Variants in CRACDL observed in about 807,000 individuals in gnomAD.
CRACDL encodes the protein CRACD like.
Under a neutral mutation model 70.6 loss-of-function variants are expected in CRACDL, and 26 were observed. That is an observed-to-expected ratio of 0.37 (90% CI 0.27 to 0.51). The LOEUF is 0.51. Ranked by LOEUF, CRACDL falls within the 20% of genes least tolerant of loss-of-function variation. The probability of loss-of-function intolerance (pLI) is 0.94; values close to 1 mark genes in which losing one functional copy is unlikely to be tolerated. For missense variants in CRACDL, 1,283 were observed against 1,376.9 expected (o/e 0.93, Z 1.08); for synonymous variants, 618 against 615.2 (o/e 1.00, Z -0.07).
intron 1 of CRACDL, among the ~76,000 whole-genome samples, chr2:98,884,307 C>T (rs1222892440): frequency 1.2e-4 from 19 of 152,228 alleles, no homozygotes. Context: ...GGGCTCAACA[C>T]AGAAGGACAG....
At chr2:98,858,972 A>G (rs1706825036) in intron 1 of CRACDL, among the ~76,000 whole-genome samples, 1 of 152,248 alleles carries the variant, frequency 6.6e-6, no homozygotes, top group African/African-American at 2.4e-5. Flanking sequence ...GACTTATAAT[A>G]AGAAAAGAGA....
chr2:98,913,226 C>T lies in CRACDL; in HGVS notation c.-11+22712G>A, dbSNP rs77825623. On this transcript the variant is annotated intron_variant, in intron 1 of 9. Transcript: ENST00000397899. ...AGGTGCCATCCCCACCCTTGAGAAT[C>T]CTCAGTCTGTGCAGGAGGCAGACAG... Among the ~76,000 whole-genome samples the T allele has an allele frequency of 9.9e-3, 1,507 of 152,332 alleles. 32 individuals are homozygous for T. The highest frequency in any genetic ancestry group is 0.074 in the East Asian group (384 of 5,174).
At chr2:98,827,301 A>G in intron 5 of CRACDL, 132 bp from the exon 6 acceptor site, 1 of 644,678 alleles carries the variant, frequency 1.6e-6, no homozygotes, top group Non-Finnish European at 2.7e-6. Flanking sequence ...GTGTGGAAAT[A>G]CTTTCTTTTT....
chr2:98,822,085 G>C lies in CRACDL; in HGVS notation c.2188C>G (p.Leu730Val). 1 of 1,559,632 alleles carries C rather than the reference G, an allele frequency of 6.4e-7. No homozygotes were observed. Among genetic ancestry groups the C allele is most frequent in the Non-Finnish European group, 8.7e-7 (1 of 1,151,752 alleles). The change falls in exon 7 of 10, where the codon CTC (leucine) becomes GTC (valine). Residue 730 changes from leucine (L) to valine (V), a missense_variant. By Grantham distance (32) the Leu-to-Val change is conservative. Coordinates refer to ENST00000397899, the MANE Select transcript of CRACDL (RefSeq NM_207362.3). The surrounding 1 kb of genome is among the most constrained non-coding windows in gnomAD (Gnocchi z 4.9). The part of the protein sequence containing the change: ...TVLPKEEKCP[L>V]GTAPALRGTR... The stretch of plus-strand genomic sequence containing the variant: ...CCTCGAAGGGCGGGGGCCGTCCCGA[G>C]GGGACACTTCTCCTCCTTCGGGAGC...
chr2:98,886,237 T>C (rs1039166212), intron 1 of CRACDL, among the ~76,000 whole-genome samples: 5 of 152,216 alleles, frequency 3.3e-5, no homozygotes, highest in African/African-American at 1.2e-4. Context: ...AAACCTCACT[T>C]GCAAGAAGGA....
intron 7 of CRACDL, among the ~76,000 whole-genome samples, chr2:98,798,304 C>T (rs1323222378): frequency 6.6e-6 from 1 of 152,046 alleles, no homozygotes; most frequent in African/African-American, 2.4e-5. Context: ...GAGATCACGC[C>T]ATTGCACTCC....
intron 1 of CRACDL, among the ~76,000 whole-genome samples, chr2:98,900,279 G>A (rs533364405): frequency 7.7e-6 from 1 of 129,352 alleles, no homozygotes; most frequent in South Asian, 2.8e-4. Context: ...GGCTCAGTGG[G>A]AGGGGAGGTA....
In CRACDL at chr2:98,797,362, G is replaced by C; in HGVS notation, c.2592C>G (p.Pro864=). The change falls in exon 8 of 10, where the codon CCC becomes CCG. Residue 864 remains proline, a synonymous_variant. Coordinates refer to ENST00000397899, the MANE Select transcript of CRACDL (RefSeq NM_207362.3). ...TTGCTCTAAGCACCTGGCCTCTCTC[G>C]GGCACCTTGGCTTGCTTTCCTGGTT... is the stretch of plus-strand genomic sequence containing the variant. The part of the protein sequence containing the change: ...KSEPGKQAKV[P]ERGQEPVKQA... 1 of 1,614,074 alleles carries C rather than the reference G, an allele frequency of 6.2e-7. No individual in the cohort carries two copies. The highest frequency in any genetic ancestry group is 8.5e-7 in the Non-Finnish European group (1 of 1,180,002).
chr2:98,889,237 AAAAG>A (rs1034348542), intron 1 of CRACDL, among the ~76,000 whole-genome samples: 50 of 151,566 alleles, frequency 3.3e-4, no homozygotes, highest in African/African-American at 1.2e-3. Flanking sequence ...GAAAGAAAGA[AAAAG>A]AAAGAGAGAA....
chr2:98,935,032 A>G (rs1709171609), intron 1 of CRACDL, among the ~76,000 whole-genome samples: 1 of 152,212 alleles, frequency 6.6e-6, no homozygotes, highest in Non-Finnish European at 1.5e-5. Context: ...GTGCTCCATC[A>G]TTCCAGGTGT....
chr2:98,917,439 G>A (rs1274822377), intron 1 of CRACDL, among the ~76,000 whole-genome samples: 1 of 152,132 alleles, frequency 6.6e-6, no homozygotes, highest in Non-Finnish European at 1.5e-5. Flanking sequence ...CTCTCCCAAG[G>A]CATATGAGAG....
intron 6 of CRACDL, 56 bp downstream of exon 6, chr2:98,826,918 TA>T (rs1705327560): frequency 3.1e-5 from 35 of 1,143,640 alleles, no homozygotes; most frequent in Middle Eastern, 6.4e-4. Context: ...GGGGGGGGCA[TA>T]GGGGGGTGCC....
rs572759777 is a variant in CRACDL at position 98,798,704 on chromosome 2, T to C, written c.2417-1167A>G. On this transcript the variant is annotated intron_variant, in intron 7 of 9. Transcript: ENST00000397899. ...TTTTCTTTTCTTTTCTTTTCTTTTT[T>C]TTTTTGAGACAGGGTCTCACTCTGA... 2.4e-4 allele frequency among the ~76,000 whole-genome samples: 37 copies of C among 152,028 alleles called. No homozygotes were observed. In the South Asian group the frequency reaches 5.8e-3, roughly 24 times the overall value.
chr2:98,826,643 G>C (rs1185339486), intron 6 of CRACDL, among the ~76,000 whole-genome samples: 1 of 152,140 alleles, frequency 6.6e-6, no homozygotes, highest in African/African-American at 2.4e-5. Context: ...AAGAAGCCTG[G>C]GGGGTAGGCA....
intron 1 of CRACDL, among the ~76,000 whole-genome samples, chr2:98,925,687 C>T (rs908942652): frequency 2.0e-5 from 3 of 152,092 alleles, no homozygotes; most frequent in Non-Finnish European, 2.9e-5. Flanking sequence ...TGCAATCCTG[C>T]CAAAGTGACT....
chr2:98,875,838 A>G (rs1482302023), intron 1 of CRACDL, among the ~76,000 whole-genome samples: 11 of 152,238 alleles, frequency 7.2e-5, no homozygotes. Context: ...GAGATTACAC[A>G]TTTGCCCCTG....
At chr2:98,854,946 C>T (rs1706637136) in intron 1 of CRACDL, among the ~76,000 whole-genome samples, 2 of 152,198 alleles carry the variant, frequency 1.3e-5, no homozygotes, top group South Asian at 2.1e-4. Context: ...AATAACATCA[C>T]ATCAACTTAA....
intron 1 of CRACDL, among the ~76,000 whole-genome samples, chr2:98,933,090 T>C (rs990140637): frequency 1.3e-5 from 2 of 152,080 alleles, no homozygotes; most frequent in African/African-American, 4.8e-5. Flanking sequence ...AGGTGCCCAA[T>C]AGGGGCCCAG....
At position 98,907,230 on chromosome 2, in the gene CRACDL, T is replaced by C. The variant is rs1357242074; in HGVS notation, c.-11+28708A>G. The stretch of plus-strand genomic sequence containing the variant: ...TCGCTTGAACCCAGGAGGCGGAGGT[T>C]GCGGTGAGCCAAGATCGCGCCATTG... On this transcript the variant is annotated intron_variant, in intron 1 of 9. Transcript: ENST00000397899. Among the ~76,000 whole-genome samples the C allele has an allele frequency of 2.0e-5, 3 of 152,258 alleles. No individual in the cohort carries two copies. The East Asian group carries it at 5.8e-4, about 29-fold the overall frequency.
Sources: allele counts gnomAD v4.1 joint callset (sites outside exome capture counted in the v4.1 genomes callset), GRCh38; gene constraint gnomAD v4.1.1; non-coding constraint Gnocchi (gnomAD v3.1); transcripts MANE v1.5; gene names NCBI Gene and HGNC (gene_info 2026-07-23, HGNC 2026-07-21).